Variants in OR4N2 observed in about 807,000 individuals in gnomAD.
OR4N2 encodes the protein olfactory receptor family 4 subfamily N member 2.
For missense variants in OR4N2, 307 were observed against 377.6 expected, an observed-to-expected ratio of 0.81 and a Z score of 1.55; for synonymous variants, 141 against 140.4, an observed-to-expected ratio of 1.00 and a Z score of -0.03.
At chr14:19,804,098 A>G (rs1258873004) in intron 1 of OR4N2, among the ~76,000 whole-genome samples, 1 of 151,980 alleles carries the variant, frequency 6.6e-6, no homozygotes, top group African/African-American at 2.4e-5. Context: ...TTTTTGCTTT[A>G]TTAGTCTAGC....
In OR4N2 at chr14:19,829,372, G is replaced by T. The variant is rs1879809311; in HGVS notation, c.*1000G>T. 1 of 152,238 alleles carries T rather than the reference G, an allele frequency of 6.6e-6. No individual in the cohort carries two copies. Among genetic ancestry groups the T allele is most frequent in the Admixed American group, 6.5e-5 (1 of 15,280 alleles). The allele number at this position is 152,238 out of a possible 1,614,324, so 9.4% of individuals were successfully genotyped here. Reference sequence around the variant, plus strand: ...AATCAGGATTTTGTGTCAGAGACAAGAAACCATTCTAGCTATTTTAAACAA... The same window carrying T: ...AATCAGGATTTTGTGTCAGAGACAATAAACCATTCTAGCTATTTTAAACAA... On this transcript the variant is annotated 3_prime_UTR_variant, in exon 2 of 2. Coordinates refer to ENST00000557677, the MANE Select transcript of OR4N2 (RefSeq NM_001004723.3).
intron 1 of OR4N2, among the ~76,000 whole-genome samples, chr14:19,816,361 CT>C (rs1266631556): frequency 6.6e-6 from 1 of 152,170 alleles, no homozygotes; most frequent in African/African-American, 2.4e-5. Flanking sequence ...CATTTGTGTC[CT>C]CTCTTTTTCC....
intron 1 of OR4N2, among the ~76,000 whole-genome samples, chr14:19,824,985 G>A (rs1001803277): frequency 1.1e-4 from 16 of 152,252 alleles, no homozygotes; most frequent in African/African-American, 3.9e-4. Flanking sequence ...GACTGTAGAA[G>A]GGGCTCTTGA....
Position 19,827,524 on chromosome 14 carries a change from C to T in OR4N2, c.76C>T (p.Leu26=), listed in dbSNP as rs769923894. 9.3e-6 allele frequency: 15 copies of T among 1,613,824 alleles called. No individual in the cohort carries two copies. In the South Asian group the frequency reaches 1.1e-4, roughly 12 times the overall value. The stretch of plus-strand genomic sequence containing the variant: ...GACCCAGTCTCAAGATATTCAGCTC[C>T]TGGTCTTTGTGCTAGTTTTAATATT... The part of the protein sequence containing the change: ...GLTQSQDIQL[L]VFVLVLIFYF... The change falls in exon 2 of 2, where the codon CTG becomes TTG. Residue 26 remains leucine, a synonymous_variant. Coordinates refer to ENST00000557677, the MANE Select transcript of OR4N2 (RefSeq NM_001004723.3).
chr14:19,811,481 C>T (rs145000313), intron 1 of OR4N2, among the ~76,000 whole-genome samples: 438 of 152,254 alleles, frequency 2.9e-3, no homozygotes, highest in African/African-American at 0.01. Flanking sequence ...CTCCTGACCT[C>T]GTGATCCGCC....
At chr14:19,810,939 A>G (rs1879280252) in intron 1 of OR4N2, among the ~76,000 whole-genome samples, 1 of 152,396 alleles carries the variant, frequency 6.6e-6, no homozygotes, top group African/African-American at 2.4e-5. Flanking sequence ...AAACTGGCAC[A>G]TCAAGATATA....
intron 1 of OR4N2, among the ~76,000 whole-genome samples, chr14:19,825,892 A>T (rs1486292611): frequency 6.6e-6 from 1 of 152,240 alleles, no homozygotes; most frequent in Non-Finnish European, 1.5e-5. Context: ...TACACTGTTT[A>T]GTTAAATCAT....
chr14:19,815,360 C>T (rs1476052847), intron 1 of OR4N2, among the ~76,000 whole-genome samples: 2 of 152,234 alleles, frequency 1.3e-5, no homozygotes, highest in East Asian at 3.8e-4. Flanking sequence ...TAATGATCAC[C>T]ATTCTAACTG....
In OR4N2 at chr14:19,827,997, G is replaced by A. The variant is rs1205986466; in HGVS notation, c.549G>A (p.Gln183=). 2 of 1,614,222 alleles carry A rather than the reference G, an allele frequency of 1.2e-6. No individual in the cohort carries two copies. The highest frequency in any genetic ancestry group is 1.7e-6 in the Non-Finnish European group (2 of 1,180,042). ...QLDNFFCDVP[Q]VIKLACTDTF... Reference sequence around the variant, plus strand: ...ACAACTTCTTCTGTGATGTCCCACAGGTCATCAAGCTGGCCTGCACCGACA... The same window carrying A: ...ACAACTTCTTCTGTGATGTCCCACAAGTCATCAAGCTGGCCTGCACCGACA... Residue 183 remains glutamine (Q), a synonymous_variant, in exon 2 of 2, where the codon CAG becomes CAA. Coordinates refer to ENST00000557677, the MANE Select transcript of OR4N2 (RefSeq NM_001004723.3).
At chr14:19,807,520 G>T (rs1366080503) in intron 1 of OR4N2, among the ~76,000 whole-genome samples, 21 of 152,192 alleles carry the variant, frequency 1.4e-4, no homozygotes, top group African/African-American at 5.1e-4. Context: ...AATCTCCCAA[G>T]ATTGAATCCC....
chr14:19,811,341 G>A (rs867830950), intron 1 of OR4N2, among the ~76,000 whole-genome samples: 4 of 152,188 alleles, frequency 2.6e-5, no homozygotes, highest in African/African-American at 9.7e-5. Flanking sequence ...CTGCCTCCTG[G>A]GTTAATGCCA....
intron 1 of OR4N2, among the ~76,000 whole-genome samples, chr14:19,811,265 G>A (rs1417885195): frequency 1.3e-5 from 2 of 152,038 alleles, no homozygotes; most frequent in Non-Finnish European, 2.9e-5. Flanking sequence ...TTATTTTTTT[G>A]AGATGGAGTC....
chr14:19,806,514 A>AG (rs1283059532), intron 1 of OR4N2, among the ~76,000 whole-genome samples: 9 of 152,340 alleles, frequency 5.9e-5, no homozygotes, highest in African/African-American at 2.2e-4. Flanking sequence ...CAATTCAACA[A>AG]GAAGACTTTA....
In OR4N2 at chr14:19,828,549, A is replaced by G. The variant is rs1594405238; in HGVS notation, c.*177A>G. The G allele has an allele frequency of 1.5e-6, 1 of 666,250 alleles. No homozygotes were observed. Among genetic ancestry groups the G allele is most frequent in the South Asian group, 2.0e-5 (1 of 48,986 alleles). The allele number at this position is 666,250 out of a possible 1,614,324, so 41.3% of individuals were successfully genotyped here. Reference sequence around the variant, plus strand: ...GTCCATCTGCTCTCCAAGAGATACAACCTAGTAAAAATAGACCACCATTAA... The same window carrying G: ...GTCCATCTGCTCTCCAAGAGATACAGCCTAGTAAAAATAGACCACCATTAA... On this transcript the variant is annotated 3_prime_UTR_variant, in exon 2 of 2. Transcript: ENST00000557677.
intron 1 of OR4N2, among the ~76,000 whole-genome samples, chr14:19,818,512 T>C (rs1231868094): frequency 2.6e-5 from 4 of 152,206 alleles, no homozygotes; most frequent in Non-Finnish European, 4.4e-5. Flanking sequence ...ACCGCTGCTT[T>C]TTTTTGGCTT....
rs769637453 is a variant in OR4N2 at position 19,828,218 on chromosome 14, T to C, written c.770T>C (p.Ile257Thr). ...IFFMFGPGIF[I>T]YTRPFRAFPA... ...TTCATGTTTGGACCTGGCATCTTCA[T>C]CTACACGCGCCCCTTCAGGGCTTTC... The change falls in exon 2 of 2, where the codon ATC becomes ACC. Residue 257 changes from isoleucine (I) to threonine (T), a missense_variant. Coordinates refer to ENST00000557677, the MANE Select transcript of OR4N2 (RefSeq NM_001004723.3). 4 of 1,614,138 alleles carry C rather than the reference T, an allele frequency of 2.5e-6. No homozygotes were observed. In the African/African-American group the frequency reaches 4.0e-5, roughly 16 times the overall value.
chr14:19,819,369 A>T (rs1168591981), intron 1 of OR4N2, among the ~76,000 whole-genome samples: 6 of 152,198 alleles, frequency 3.9e-5, no homozygotes, highest in Non-Finnish European at 8.8e-5. Context: ...TATTTCTTGG[A>T]GGATTTGTTC....
In OR4N2 at chr14:19,827,477, G is replaced by C. The variant is rs773189757; in HGVS notation, c.29G>C (p.Arg10Thr). 8 of 1,605,888 alleles carry C rather than the reference G, an allele frequency of 5.0e-6. No homozygotes were observed. Among genetic ancestry groups the C allele is most frequent in the Middle Eastern group, 1.7e-4 (1 of 5,994 alleles). MESENRTVI[R>T]EFILLGLTQS... Reference sequence around the variant, plus strand: ...GAAAGCGAGAACAGAACAGTGATAAGAGAATTCATCCTCCTTGGTCTGACC... The same window carrying C: ...GAAAGCGAGAACAGAACAGTGATAACAGAATTCATCCTCCTTGGTCTGACC... The change falls in exon 2 of 2, where the codon AGA becomes ACA. Residue 10 changes from arginine to threonine, a missense_variant. Physicochemically the swap from Arg to Thr is moderately conservative, Grantham distance 71 (BLOSUM62 -1). Transcript: ENST00000557677.
rs572976733 is a variant in OR4N2, at chr14:19,829,020, T to G, written c.*648T>G. On this transcript the variant is annotated 3_prime_UTR_variant, in exon 2 of 2. Transcript: ENST00000557677. Reference sequence around the variant, plus strand: ...TTAAGCAAAAGAGTGATTCCTCTACTGAAGGGTCATAAACAACTTAGCACT... The same window carrying G: ...TTAAGCAAAAGAGTGATTCCTCTACGGAAGGGTCATAAACAACTTAGCACT... 3.9e-5 allele frequency: 6 copies of G among 153,174 alleles called. No homozygotes were observed. Among genetic ancestry groups the G allele is most frequent in the Admixed American group, 1.9e-4 (3 of 15,398 alleles). 9.5% of individuals were successfully genotyped at this position (153,174 alleles called of 1,614,324 possible).
Sources: gnomAD v4.1 joint callset for allele counts (sites outside exome capture counted in the v4.1 genomes callset) on GRCh38, gnomAD v4.1.1 for gene constraint, MANE v1.5 for transcripts, NCBI Gene and HGNC (gene_info 2026-07-23, HGNC 2026-07-21) for gene names.